TRIM33: variants seen among roughly 807,000 people sequenced by gnomAD.
TRIM33 encodes E3 ubiquitin-protein ligase TRIM33.
In TRIM33, 20 loss-of-function variants were observed where a neutral mutation model predicts 125.4. The ratio of observed to expected loss-of-function variants is 0.16; its 90% CI spans 0.11 to 0.23. The LOEUF (loss-of-function observed/expected upper bound fraction) is 0.23. TRIM33 is among the 10% of genes least tolerant of loss of function. TRIM33 has a pLI of 1.00. For synonymous variants in TRIM33, 564 were observed against 513.9 expected, an observed-to-expected ratio of 1.10 and a Z score of -1.32; for missense variants, 920 against 1,411.4, an observed-to-expected ratio of 0.65 and a Z score of 5.58.
chr1:114,447,048 T>C (rs950893696), intron 4 of TRIM33, among the ~76,000 whole-genome samples: 3 of 152,156 alleles, frequency 2.0e-5, no homozygotes, highest in Non-Finnish European at 4.4e-5. Flanking sequence ...TAGTAGCAGA[T>C]AAAATGCGTG....
rs750863973 is a variant in TRIM33 at position 114,463,211 on chromosome 1, G to A, written c.816C>T (p.Arg272=). 5.0e-6 allele frequency: 8 copies of A among 1,608,854 alleles called. No individual in the cohort carries two copies. The change falls in exon 4 of 20, where the codon CGC becomes CGT. Residue 272 remains arginine, a synonymous_variant. Transcript: ENST00000358465. ...VSESVGASGQ[R]PVFCPVHKQE... Reference sequence around the variant, plus strand: ...GTTTGTGTACAGGGCAGAAAACAGGGCGTTGACCAGATGCTCCAACAGACT... The same window carrying A: ...GTTTGTGTACAGGGCAGAAAACAGGACGTTGACCAGATGCTCCAACAGACT...
At chr1:114,460,491 G>A (rs1317480249) in intron 4 of TRIM33, 1 of 150,228 alleles carries the variant, frequency 6.7e-6, no homozygotes, top group Non-Finnish European at 1.5e-5. Flanking sequence ...AATGAGGAGA[G>A]AGATAACACC....
intron 11 of TRIM33, among the ~76,000 whole-genome samples, chr1:114,419,462 T>C (rs1307048681): frequency 6.6e-6 from 1 of 152,144 alleles, no homozygotes; most frequent in Non-Finnish European, 1.5e-5. Flanking sequence ...ATATTACATA[T>C]CAGGTGATTT....
intron 13 of TRIM33, among the ~76,000 whole-genome samples, chr1:114,407,839 G>T: frequency 6.6e-6 from 1 of 152,220 alleles, no homozygotes. Context: ...TAAACAGAAA[G>T]AATTTATCCT....
intron 1 of TRIM33, among the ~76,000 whole-genome samples, chr1:114,473,461 A>G (rs1292782245): frequency 2.0e-5 from 3 of 151,948 alleles, no homozygotes; most frequent in African/African-American, 4.8e-5. Context: ...ACTAATTCCG[A>G]TTGGCTACTT....
chr1:114,425,974 T>C (rs1647545696), intron 8 of TRIM33, among the ~76,000 whole-genome samples: 1 of 152,136 alleles, frequency 6.6e-6, no homozygotes, highest in African/African-American at 2.4e-5. Context: ...TACTTAGACA[T>C]ACAGAAAATT....
At chr1:114,483,609 C>T (rs1404979313) in intron 1 of TRIM33, among the ~76,000 whole-genome samples, 6 of 151,946 alleles carry the variant, frequency 3.9e-5, no homozygotes, top group African/African-American at 9.7e-5. Context: ...GACGGGGTTT[C>T]GCCATGTTGC....
intron 4 of TRIM33, among the ~76,000 whole-genome samples, chr1:114,453,246 C>T (rs1236204784): frequency 6.6e-6 from 1 of 151,770 alleles, no homozygotes; most frequent in Non-Finnish European, 1.5e-5. Context: ...CACCTGTAAT[C>T]CCAGCTACTC....
At chr1:114,440,086 T>TAC (rs1648563020) in intron 4 of TRIM33, among the ~76,000 whole-genome samples, 1 of 152,158 alleles carries the variant, frequency 6.6e-6, no homozygotes, top group South Asian at 2.1e-4. Context: ...CATAAGGGTA[T>TAC]ACTAAGAGTA....
intron 4 of TRIM33, among the ~76,000 whole-genome samples, chr1:114,447,806 A>G (rs1334782165): frequency 6.6e-6 from 1 of 152,226 alleles, no homozygotes; most frequent in Non-Finnish European, 1.5e-5. Context: ...CATGTGAAAT[A>G]CTGCTGATAC....
chr1:114,445,116 T>C (rs1648895660), intron 4 of TRIM33, among the ~76,000 whole-genome samples: 2 of 152,206 alleles, frequency 1.3e-5, no homozygotes, highest in South Asian at 4.1e-4. Context: ...CAATAAAAAG[T>C]ATCCAGTGTG....
In TRIM33 at chr1:114,427,295, C is replaced by A; in HGVS notation, c.1303-1G>T. ...AAATATGACGCAACTGGAAAGTAAT[C>A]TTAAAGGGAAAAAAATCCACATTAG... On this transcript the variant is annotated splice_acceptor_variant, in intron 7 of 19. Transcript: ENST00000358465. LOFTEE classifies it high-confidence loss of function. 1 of 1,510,424 alleles carries A rather than the reference C, an allele frequency of 6.6e-7. No homozygotes were observed. The highest frequency in any genetic ancestry group is 9.1e-7 in the Non-Finnish European group (1 of 1,104,354). 93.6% of individuals were successfully genotyped at this position (1,510,424 alleles called of 1,614,324 possible).
chr1:114,438,576 T>C (rs1648454521), intron 4 of TRIM33, among the ~76,000 whole-genome samples: 1 of 152,214 alleles, frequency 6.6e-6, no homozygotes, highest in Admixed American at 6.5e-5. Context: ...CTAAGTATCT[T>C]AACATGCATT....
intron 1 of TRIM33, among the ~76,000 whole-genome samples, chr1:114,495,737 A>G (rs1047302429): frequency 2.6e-5 from 4 of 152,312 alleles, no homozygotes; most frequent in Non-Finnish European, 5.9e-5. Context: ...ATTACAGCCA[A>G]AAGCATAAGG....
intron 4 of TRIM33, among the ~76,000 whole-genome samples, chr1:114,436,763 CAAGAGGCTTTTA>C (rs1036882101): frequency 6.6e-6 from 1 of 152,176 alleles, no homozygotes; most frequent in Non-Finnish European, 1.5e-5. Context: ...CCACTCCTGG[CAAGAGGCTTTTA>C]AAGAGGCTTT....
intron 4 of TRIM33, among the ~76,000 whole-genome samples, chr1:114,453,299 G>A (rs934607446): frequency 6.6e-6 from 1 of 151,730 alleles, no homozygotes; most frequent in Non-Finnish European, 1.5e-5. Flanking sequence ...AGGAGGCAGA[G>A]GTTGCAGTGA....
chr1:114,439,994 G>C (rs929806807), intron 4 of TRIM33, among the ~76,000 whole-genome samples: 1 of 152,220 alleles, frequency 6.6e-6, no homozygotes, highest in East Asian at 1.9e-4. Context: ...TGTGATGATG[G>C]ATTCACAGTC....
chr1:114,461,808 T>TG (rs1650018735), intron 4 of TRIM33, among the ~76,000 whole-genome samples: 1 of 152,174 alleles, frequency 6.6e-6, no homozygotes, highest in African/African-American at 2.4e-5. Flanking sequence ...TCTAATGTCT[T>TG]ACTGAGACTG....
chr1:114,494,831 T>C (rs1652275254), intron 1 of TRIM33, among the ~76,000 whole-genome samples: 1 of 152,210 alleles, frequency 6.6e-6, no homozygotes. Context: ...ACCTTAAAAA[T>C]GACTAATCAG....
Sources: gnomAD v4.1 joint callset for allele counts (sites outside exome capture counted in the v4.1 genomes callset) on GRCh38, gnomAD v4.1.1 for gene constraint, MANE v1.5 for transcripts, NCBI Gene and HGNC (gene_info 2026-07-23, HGNC 2026-07-21) for gene names.